PRDM16: variants seen among roughly 807,000 people sequenced by gnomAD.
PRDM16 encodes histone-lysine N-methyltransferase PRDM16.
Under a neutral mutation model 110.6 loss-of-function variants are expected in PRDM16, and 23 were observed. The observed-to-expected ratio is 0.21, with a 90% CI of 0.15 to 0.29. PRDM16 has a LOEUF of 0.29. Among genes scored for constraint, PRDM16 ranks in the 10% least tolerant of loss-of-function variants. PRDM16 has a pLI of 1.00. For missense variants in PRDM16, 1,615 were observed against 1,794.3 expected (o/e 0.90, Z 1.81); for synonymous variants, 799 against 781.8 (o/e 1.02, Z -0.37).
At chr1:3,404,256 C>A (rs78918422) in intron 6 of PRDM16, among the ~76,000 whole-genome samples, 19 of 152,340 alleles carry the variant, frequency 1.2e-4, no homozygotes, top group Admixed American at 1.1e-3. Context: ...GCTCGGGTCC[C>A]CTCCGTGTCA....
chr1:3,277,246 G>C (rs1009944807), intron 3 of PRDM16, among the ~76,000 whole-genome samples: 1 of 152,226 alleles, frequency 6.6e-6, no homozygotes, highest in Non-Finnish European at 1.5e-5. Context: ...CTCTGTGCAC[G>C]GCTGGATCTT....
chr1:3,297,413 A>G (rs552976506), intron 3 of PRDM16, among the ~76,000 whole-genome samples: 1 of 151,086 alleles, frequency 6.6e-6, no homozygotes, highest in South Asian at 2.1e-4. Context: ...CCTCCTGAGT[A>G]GCTGGGACCT....
chr1:3,232,279 C>G (rs1012558629), intron 2 of PRDM16, among the ~76,000 whole-genome samples: 1 of 152,190 alleles, frequency 6.6e-6, no homozygotes, highest in Admixed American at 6.5e-5. Flanking sequence ...TGGAGCTGCA[C>G]GGCCTGAGTT....
chr1:3,422,179 T>A (rs1170826447), intron 12 of PRDM16, among the ~76,000 whole-genome samples: 1 of 105,306 alleles, frequency 9.5e-6, no homozygotes, highest in African/African-American at 3.9e-5. Flanking sequence ...GGAAGGCAGA[T>A]AGATAGATAG....
intron 3 of PRDM16, among the ~76,000 whole-genome samples, chr1:3,271,153 G>A (rs1390574736): frequency 6.6e-6 from 1 of 152,200 alleles, no homozygotes. Context: ...GGACATTCAC[G>A]CCAGTGTGGG....
At chr1:3,155,164 T>A (rs1643838910) in intron 1 of PRDM16, among the ~76,000 whole-genome samples, 2 of 152,178 alleles carry the variant, frequency 1.3e-5, no homozygotes, top group South Asian at 4.1e-4. Context: ...GCTGCCGTCC[T>A]GCGGACCTCT....
chr1:3,334,685 C>A (rs1035050812), intron 3 of PRDM16, among the ~76,000 whole-genome samples: 3 of 152,210 alleles, frequency 2.0e-5, no homozygotes, highest in African/African-American at 7.2e-5. Flanking sequence ...ACAAAGCCAC[C>A]ACTGTGGCCT....
At chr1:3,140,101 G>T (rs1163647159) in intron 1 of PRDM16, among the ~76,000 whole-genome samples, 1 of 152,268 alleles carries the variant, frequency 6.6e-6, no homozygotes, top group Non-Finnish European at 1.5e-5. Context: ...TGTTAGAAAA[G>T]CGGCTTTGGG....
At chr1:3,348,112 C>T (rs1332838771) in intron 3 of PRDM16, among the ~76,000 whole-genome samples, 1 of 152,186 alleles carries the variant, frequency 6.6e-6, no homozygotes, top group East Asian at 1.9e-4. Context: ...CAGAGTTCTG[C>T]CCAGGTCGCA....
chr1:3,186,252 C>T lies in PRDM16; in HGVS notation c.165C>T (p.Pro55=), dbSNP rs758911317. 1 of 1,612,258 alleles carries T rather than the reference C, an allele frequency of 6.2e-7. No individual in the cohort carries two copies. Among genetic ancestry groups the T allele is most frequent in the African/African-American group, 1.3e-5 (1 of 74,902 alleles). The change falls in exon 2 of 17, where the codon CCC becomes CCT. Residue 55 remains proline (P), a synonymous_variant. Transcript: ENST00000270722. ...CCGTGGGGCCACCGTCCCCCTTCCCCACCAGCGAGGACTTCACCCCCAAGG... is the reference window on the plus strand; with the variant it reads ...CCGTGGGGCCACCGTCCCCCTTCCCTACCAGCGAGGACTTCACCCCCAAGG... The part of the protein sequence containing the change: ...PIPVGPPSPF[P]TSEDFTPKEG...
intron 3 of PRDM16, among the ~76,000 whole-genome samples, chr1:3,334,559 C>G (rs377146831): frequency 6.6e-6 from 1 of 152,192 alleles, no homozygotes; most frequent in East Asian, 1.9e-4. Context: ...GAAAGCGGGA[C>G]AGGGAACCAG....
chr1:3,379,230 A>G (rs1472228839), intron 3 of PRDM16, among the ~76,000 whole-genome samples: 7 of 71,542 alleles, frequency 9.8e-5, no homozygotes, highest in South Asian at 7.4e-4. Context: ...ACCCCTCCCA[A>G]CACACTCATC....
At chr1:3,248,388 A>G (rs1261783065) in intron 3 of PRDM16, among the ~76,000 whole-genome samples, 1 of 152,224 alleles carries the variant, frequency 6.6e-6, no homozygotes, top group African/African-American at 2.4e-5. Context: ...AAACAAAAGG[A>G]AGTGACCTTT....
intron 2 of PRDM16, among the ~76,000 whole-genome samples, chr1:3,202,121 C>T (rs946071215): frequency 2.0e-5 from 3 of 152,118 alleles, no homozygotes; most frequent in African/African-American, 7.2e-5. Flanking sequence ...GAGACACCCC[C>T]GAAGGTGTGC....
intron 2 of PRDM16, among the ~76,000 whole-genome samples, chr1:3,233,893 A>T (rs1411815005): frequency 1.4e-5 from 2 of 146,262 alleles, no homozygotes; most frequent in African/African-American, 2.5e-5. Context: ...GGTTTTTTTA[A>T]AAAAAAAAAA....
intron 1 of PRDM16, among the ~76,000 whole-genome samples, chr1:3,135,566 C>G (rs1035737594): frequency 6.6e-6 from 1 of 152,106 alleles, no homozygotes; most frequent in Non-Finnish European, 1.5e-5. Context: ...AGCCCTCCCC[C>G]TCCGTGGCCC....
In PRDM16 at chr1:3,231,205, G is replaced by A. The variant is rs1165216938; in HGVS notation, c.388-12882G>A. ...ACAACCCTTCATACACGTAAAAGCC[G>A]CCCATCCTGCCATCACCCTTACTAG... On this transcript the variant is annotated intron_variant, in intron 2 of 16. Transcript: ENST00000270722. 4.6e-5 allele frequency among the ~76,000 whole-genome samples: 7 copies of A among 152,130 alleles called. No individual in the cohort carries two copies. The East Asian group carries it at 5.8e-4, about 13-fold the overall frequency.
intron 14 of PRDM16, 135 bp downstream of exon 14, chr1:3,426,360 A>C (rs1315401708): frequency 1.6e-6 from 1 of 636,428 alleles, no homozygotes; most frequent in Non-Finnish European, 2.6e-6. Flanking sequence ...GGGCCTCACC[A>C]CAGAGGGTGA....
chr1:3,088,836 G>A (rs929704262), intron 1 of PRDM16, among the ~76,000 whole-genome samples: 2 of 151,522 alleles, frequency 1.3e-5, no homozygotes, highest in African/African-American at 4.9e-5. Flanking sequence ...CGCCCAGGCT[G>A]GAGTGCAATG....
Sources: gnomAD v4.1 joint callset for allele counts (sites outside exome capture counted in the v4.1 genomes callset) on GRCh38, gnomAD v4.1.1 for gene constraint, MANE v1.5 for transcripts, NCBI Gene and HGNC (gene_info 2026-07-23, HGNC 2026-07-21) for gene names.